The following CFAP61 variants were observed in gnomAD, a reference collection of about 807,000 sequenced individuals.
The protein encoded by CFAP61 is cilia- and flagella-associated protein 61.
In CFAP61, 107 loss-of-function variants were observed where a neutral mutation model predicts 135.6. The ratio of observed to expected loss-of-function variants is 0.79; its 90% confidence interval spans 0.67 to 0.93. CFAP61 has a LOEUF of 0.93. Among genes scored for constraint, CFAP61 ranks in the 40% least tolerant of loss-of-function variants. The pLI is 0.00. For missense variants in CFAP61, 1,507 were observed against 1,556.2 expected, an observed-to-expected ratio of 0.97 and a Z score of 0.53; for synonymous variants, 575 against 578.5, an observed-to-expected ratio of 0.99 and a Z score of 0.09.
chr20:20,088,436 C>A lies in CFAP61; in HGVS notation c.567-2408C>A, dbSNP rs117144669. Among the ~76,000 whole-genome samples, 33 of 152,248 alleles carry A rather than the reference C, an allele frequency of 2.2e-4. No individual in the cohort carries two copies. The East Asian group carries it at 6.4e-3, about 29-fold the overall frequency. ...TGGAAGGGGAAGCAAACACATCTTT[C>A]TTCACAAGGCAGCAAGAAAGAACAA... is the stretch of plus-strand genomic sequence containing the variant. On this transcript the variant is annotated intron_variant, in intron 6 of 26. Transcript: ENST00000245957.
At position 20,098,787 on chromosome 20, in the gene CFAP61, C is replaced by T. The variant is rs1162058907; in HGVS notation, c.832C>T (p.Gln278Ter). The T allele has an allele frequency of 6.2e-7, 1 of 1,613,466 alleles. No individual in the cohort carries two copies. Among genetic ancestry groups the T allele is most frequent in the East Asian group, 2.2e-5 (1 of 44,862 alleles). Residue 278 changes from glutamine to a stop codon, truncating the protein, a stop_gained, in exon 8 of 27, where the codon CAA becomes TAA. Coordinates refer to ENST00000245957, the MANE Select transcript of CFAP61 (RefSeq NM_015585.4). LOFTEE classifies it high-confidence loss of function. ...TCCTGATGACGTTCTGGAATCACCA[C>T]AAGACCTAAGTGTCCGAAGAAGTCA... Reference protein sequence around the residue: ...PHPDDVLESPQDLSVRRSQDA... With the variant: ...PHPDDVLESP
intron 24 of CFAP61, among the ~76,000 whole-genome samples, chr20:20,296,004 T>C (rs1569258192): frequency 1.0e-5 from 1 of 96,842 alleles, no homozygotes; most frequent in Non-Finnish European, 2.3e-5. Flanking sequence ...CTTCCTTCCT[T>C]CCTTCCCTCC....
chr20:20,132,553 C>T (rs2050621958), intron 8 of CFAP61, among the ~76,000 whole-genome samples: 1 of 151,890 alleles, frequency 6.6e-6, no homozygotes, highest in Admixed American at 6.6e-5. Context: ...CATATTTTAT[C>T]CTTATTAATA....
chr20:20,258,683 T>C (rs2051872748), intron 20 of CFAP61: 1 of 151,906 alleles, frequency 6.6e-6, no homozygotes, highest in African/African-American at 2.4e-5. Context: ...TCCGATAGAG[T>C]GAAAGTCTAC....
chr20:20,262,905 C>T, intron 20 of CFAP61, 51 bp from the exon 21 acceptor site: 3 of 1,231,820 alleles, frequency 2.4e-6, no homozygotes, highest in Non-Finnish European at 3.3e-6. Flanking sequence ...TAACCACTGT[C>T]ACCACTTTAT....
intron 18 of CFAP61, among the ~76,000 whole-genome samples, chr20:20,232,102 A>C (rs532749745): frequency 2.0e-5 from 3 of 152,274 alleles, no homozygotes; most frequent in East Asian, 3.9e-4. Flanking sequence ...CTCTGCTGCC[A>C]AGCAGTGTTG....
intron 9 of CFAP61, among the ~76,000 whole-genome samples, chr20:20,144,607 G>GAAAAA (rs11326705): frequency 6.7e-6 from 1 of 148,168 alleles, no homozygotes; most frequent in Admixed American, 6.7e-5. Flanking sequence ...CGCTAGGACA[G>GAAAAA]AAAAAAAAAA....
intron 8 of CFAP61, among the ~76,000 whole-genome samples, chr20:20,133,232 G>A (rs1042522931): frequency 6.6e-6 from 1 of 152,224 alleles, no homozygotes; most frequent in Admixed American, 6.5e-5. Flanking sequence ...CAAAACTACA[G>A]TGGCATACCA....
intron 25 of CFAP61, among the ~76,000 whole-genome samples, chr20:20,310,389 A>C (rs1030124942): frequency 6.6e-6 from 1 of 152,208 alleles, no homozygotes; most frequent in Non-Finnish European, 1.5e-5. Flanking sequence ...CGGATTGTTC[A>C]AAAGAAACTA....
chr20:20,074,051 G>A lies in CFAP61; in HGVS notation c.295-251G>A, dbSNP rs183207836. 1.2e-5 allele frequency: 6 copies of A among 498,286 alleles called. No individual in the cohort carries two copies. The East Asian group carries it at 2.1e-4, about 17-fold the overall frequency. 30.9% of individuals were successfully genotyped at this position (498,286 alleles called of 1,614,324 possible). A position where few individuals can be genotyped will look rare whatever the true frequency, so the allele number is the denominator to read the frequency against. On this transcript the variant is annotated intron_variant, in intron 3 of 26. Transcript: ENST00000245957. ...ATTCGTGAGGGCAGGAGGAAGGGCG[G>A]GTGCTCTGGACTCATTTACAGTCCC...
chr20:20,322,366 TTGGGGGCCTACC>T (rs2057560787), intron 25 of CFAP61, among the ~76,000 whole-genome samples: 1 of 152,182 alleles, frequency 6.6e-6, no homozygotes, highest in African/African-American at 2.4e-5. Context: ...AACATGACTG[TTGGGGGCCTACC>T]CCCACAAAGA....
At chr20:20,330,253 A>C (rs1047885021) in intron 25 of CFAP61, among the ~76,000 whole-genome samples, 3 of 152,164 alleles carry the variant, frequency 2.0e-5, no homozygotes, top group Non-Finnish European at 4.4e-5. Context: ...GTAATAAGCT[A>C]TTTTACATTT....
At chr20:20,209,508 T>C (rs2047477769) in intron 17 of CFAP61, among the ~76,000 whole-genome samples, 1 of 152,212 alleles carries the variant, frequency 6.6e-6, no homozygotes, top group Non-Finnish European at 1.5e-5. Context: ...TACAGAGATA[T>C]ACAACAAACC....
At chr20:20,086,825 G>A (rs1448729576) in intron 6 of CFAP61, among the ~76,000 whole-genome samples, 1 of 152,172 alleles carries the variant, frequency 6.6e-6, no homozygotes, top group African/African-American at 2.4e-5. Flanking sequence ...CACCAGAACT[G>A]GACAATATAT....
At chr20:20,141,533 A>G (rs149831378) in intron 8 of CFAP61, among the ~76,000 whole-genome samples, 17 of 152,262 alleles carry the variant, frequency 1.1e-4, no homozygotes, top group African/African-American at 3.1e-4. Context: ...ATGCCAAAAG[A>G]GCTACCTTTC....
intron 20 of CFAP61, among the ~76,000 whole-genome samples, chr20:20,254,736 C>T (rs2051380382): frequency 6.6e-6 from 1 of 152,192 alleles, no homozygotes; most frequent in African/African-American, 2.4e-5. Context: ...GAAAACAGAG[C>T]TTAAACCCAA....
chr20:20,086,773 T>C (rs2046833710), intron 6 of CFAP61, among the ~76,000 whole-genome samples: 4 of 152,316 alleles, frequency 2.6e-5, no homozygotes, highest in African/African-American at 9.6e-5. Context: ...AAGAGCATTT[T>C]CCGTGGTTGG....
chr20:20,145,372 G>T (rs2051792445), intron 9 of CFAP61, among the ~76,000 whole-genome samples: 1 of 152,066 alleles, frequency 6.6e-6, no homozygotes, highest in Non-Finnish European at 1.5e-5. Context: ...TTATAAATCA[G>T]ATTCAAAGAG....
At chr20:20,196,078 C>T (rs2056261846) in intron 15 of CFAP61, among the ~76,000 whole-genome samples, 1 of 152,294 alleles carries the variant, frequency 6.6e-6, no homozygotes, top group East Asian at 1.9e-4. Flanking sequence ...GATACTGTCT[C>T]AAACTAAACA....
Sources: allele counts gnomAD v4.1 joint callset (sites outside exome capture counted in the v4.1 genomes callset), GRCh38; gene constraint gnomAD v4.1.1; transcripts MANE v1.5; gene names NCBI Gene and HGNC (gene_info 2026-07-23, HGNC 2026-07-21).